The following CCNG2 variants were observed in gnomAD, a reference collection of about 807,000 sequenced individuals.
CCNG2 encodes the protein cyclin G2.
CCNG2 carries 20 observed loss-of-function variants against 36.5 expected under a neutral mutation model. The observed-to-expected ratio is 0.55, with a 90% CI of 0.39 to 0.80. The LOEUF (loss-of-function observed/expected upper bound fraction) is 0.80, where lower values mean the gene tolerates loss of function less well. Among genes scored for constraint, CCNG2 ranks in the 30% least tolerant of loss-of-function variants. The pLI is 0.00. For missense variants in CCNG2, 358 were observed against 390.8 expected (o/e 0.92, Z 0.71); for synonymous variants, 155 against 140.1 (o/e 1.11, Z -0.75).
At chr4:77,163,219 T>C (rs1230857275) in intron 6 of CCNG2, among the ~76,000 whole-genome samples, 12 of 152,178 alleles carry the variant, frequency 7.9e-5, no homozygotes. Flanking sequence ...TCTGGGGTTT[T>C]CAGCGTTGGC....
At chr4:77,162,457 A>G (rs1577906563) in intron 6 of CCNG2, among the ~76,000 whole-genome samples, 1 of 134,986 alleles carries the variant, frequency 7.4e-6, no homozygotes, top group Admixed American at 9.3e-5. Context: ...ATCTTGGCTC[A>G]CCGCAACCTC....
chr4:77,164,566 C>CAG, intron 7 of CCNG2, 87 bp downstream of exon 7: 1 of 972,050 alleles, frequency 1.0e-6, no homozygotes, highest in Admixed American at 2.5e-5. Context: ...TGTAAGACAT[C>CAG]AGAGAAAGCA....
At position 77,167,488 on chromosome 4, in the gene CCNG2, G is replaced by A. The variant is rs916417788; in HGVS notation, c.*1564G>A. 2.6e-5 allele frequency: 4 copies of A among 152,216 alleles called. No individual in the cohort carries two copies. Among genetic ancestry groups the A allele is most frequent in the Middle Eastern group, 3.2e-3 (1 of 316 alleles). 9.4% of individuals were successfully genotyped at this position (152,216 alleles called of 1,614,324 possible). A position where few individuals can be genotyped will look rare whatever the true frequency, so the allele number is the denominator to read the frequency against. ...TTCAGTGAGAGGCAACAGGTATTAA[G>A]TAGAACAGAATGCTCAGGTTGGCAG... On this transcript the variant is annotated 3_prime_UTR_variant, in exon 8 of 8. Transcript: ENST00000316355.
intron 3 of CCNG2, 52 bp from the exon 4 acceptor site, chr4:77,160,669 C>T: frequency 6.4e-7 from 1 of 1,569,274 alleles, no homozygotes. Flanking sequence ...TTCTAAGTAT[C>T]TGCTAAGTCA....
Position 77,166,130 on chromosome 4 carries a change from A to G in CCNG2, c.*206A>G. On this transcript the variant is annotated 3_prime_UTR_variant, in exon 8 of 8. Coordinates refer to ENST00000316355, the MANE Select transcript of CCNG2 (RefSeq NM_004354.3). ...GGGTAGTGCCTCTTAAACCATTAAC[A>G]GTACTTTAGACATTGGCACTTTATT... The G allele has an allele frequency of 7.8e-6, 3 of 382,858 alleles. 1 individual carries two copies. The East Asian group carries it at 1.3e-4, about 16-fold the overall frequency. The allele number at this position is 382,858 out of a possible 1,614,324, so 23.7% of individuals were successfully genotyped here. A position where few individuals can be genotyped will look rare whatever the true frequency, so the allele number is the denominator to read the frequency against.
chr4:77,163,234 C>T (rs1256255108), intron 6 of CCNG2, among the ~76,000 whole-genome samples: 3 of 152,040 alleles, frequency 2.0e-5, no homozygotes, highest in African/African-American at 4.8e-5. Context: ...GTTGGCCTTT[C>T]CCCCCAACAT....
intron 2 of CCNG2, among the ~76,000 whole-genome samples, chr4:77,159,106 T>G (rs969649528): frequency 3.9e-5 from 6 of 152,252 alleles, no homozygotes; most frequent in African/African-American, 1.4e-4. Flanking sequence ...TCTGAAATCT[T>G]GCAACAGTTC....
Position 77,167,598 on chromosome 4 carries a change from C to T in CCNG2, c.*1674C>T, listed in dbSNP as rs1050780070. ...TGGGGTGTTCGCTGTGATAGGGCCC[C>T]GCCAGCTTCTGGCTCTTGTGGACCT... On this transcript the variant is annotated 3_prime_UTR_variant, in exon 8 of 8. Transcript: ENST00000316355. 2.6e-5 allele frequency: 4 copies of T among 152,152 alleles called. No individual in the cohort carries two copies. Among genetic ancestry groups the T allele is most frequent in the African/African-American group, 7.2e-5 (3 of 41,424 alleles). 9.4% of individuals were successfully genotyped at this position (152,152 alleles called of 1,614,324 possible).
chr4:77,169,359 CCTAA>C lies in CCNG2; in HGVS notation c.*3439_*3442del, dbSNP rs1014858800. On this transcript the variant is annotated 3_prime_UTR_variant, in exon 8 of 8. Coordinates refer to ENST00000316355, the MANE Select transcript of CCNG2 (RefSeq NM_004354.3). Reference sequence around the variant, plus strand: ...GCATTTGTTACTGGAATTCAGTTTTCCTAACTATTTACTACCAGAAATGGTCAAT... The same window carrying C: ...GCATTTGTTACTGGAATTCAGTTTTCCTATTTACTACCAGAAATGGTCAAT... The C allele has an allele frequency of 2.6e-5, 4 of 152,230 alleles. No homozygotes were observed. Among genetic ancestry groups the C allele is most frequent in the African/African-American group, 9.6e-5 (4 of 41,490 alleles). The allele number at this position is 152,230 out of a possible 1,614,324, so 9.4% of individuals were successfully genotyped here.
In CCNG2 at chr4:77,169,578, A is replaced by G. The variant is rs531899864; in HGVS notation, c.*3654A>G. The G allele has an allele frequency of 6.6e-6, 1 of 152,328 alleles. No individual in the cohort carries two copies. The highest frequency in any genetic ancestry group is 6.5e-5 in the Admixed American group (1 of 15,292). 9.4% of individuals were successfully genotyped at this position (152,328 alleles called of 1,614,324 possible). A position where few individuals can be genotyped will look rare whatever the true frequency, so the allele number is the denominator to read the frequency against. On this transcript the variant is annotated 3_prime_UTR_variant, in exon 8 of 8. Transcript: ENST00000316355. ...AAGTGCAGCAGAAGAAATTTAGTAT[A>G]TGTCCAAGCCTAGGCTTTAAGAGAC...
chr4:77,163,714 G>A (rs533870745), intron 6 of CCNG2, among the ~76,000 whole-genome samples: 2 of 152,322 alleles, frequency 1.3e-5, no homozygotes, highest in South Asian at 4.1e-4. Flanking sequence ...AAATAAACTG[G>A]AGCACTGCCC....
chr4:77,158,057 G>A (rs1731316249), intron 1 of CCNG2, among the ~76,000 whole-genome samples: 1 of 152,014 alleles, frequency 6.6e-6, no homozygotes, highest in Non-Finnish European at 1.5e-5. Flanking sequence ...TGGGCGCCCC[G>A]GGCGGGCGGG....
At chr4:77,164,199 G>A (rs1408322817) in intron 6 of CCNG2, 75 bp from the exon 7 acceptor site, 4 of 1,021,696 alleles carry the variant, frequency 3.9e-6, no homozygotes, top group Non-Finnish European at 4.5e-6. Flanking sequence ...ATTTTTCATA[G>A]CTCACCTAGT....
In CCNG2 at chr4:77,158,702, C is replaced by A. The variant is rs770718337; in HGVS notation, c.138+32C>A. On this transcript the variant is annotated intron_variant, in intron 2 of 7. Transcript: ENST00000316355. Reference sequence around the variant, plus strand: ...TGGCAGAAAAGATAACTTGCTCAAGCAGCTGATGGGGCTTGGAGGAGGTAA... The same window carrying A: ...TGGCAGAAAAGATAACTTGCTCAAGAAGCTGATGGGGCTTGGAGGAGGTAA... 5.0e-6 allele frequency: 8 copies of A among 1,611,824 alleles called. No individual in the cohort carries two copies. In the East Asian group the frequency reaches 1.3e-4, roughly 27 times the overall value.
chr4:77,165,968 G>A lies in CCNG2; in HGVS notation c.*44G>A. On this transcript the variant is annotated 3_prime_UTR_variant, in exon 8 of 8. Coordinates refer to ENST00000316355, the MANE Select transcript of CCNG2 (RefSeq NM_004354.3). Reference sequence around the variant, plus strand: ...AGAATTTATATTTACAGGTTTCAAAGCAATAAATGGGGGAATAGGTAGTTT... The same window carrying A: ...AGAATTTATATTTACAGGTTTCAAAACAATAAATGGGGGAATAGGTAGTTT... The A allele has an allele frequency of 6.4e-7, 1 of 1,554,396 alleles. No homozygotes were observed. Among genetic ancestry groups the A allele is most frequent in the Non-Finnish European group, 8.7e-7 (1 of 1,151,876 alleles).
chr4:77,164,339 T>C lies in CCNG2; in HGVS notation c.771T>C (p.Ser257=). Residue 257 remains serine (S), a synonymous_variant, in exon 7 of 8, where the codon TCT becomes TCC. Coordinates refer to ENST00000316355, the MANE Select transcript of CCNG2 (RefSeq NM_004354.3). ...LVSKCLAEYS[S]PECCKPDLKK... is the part of the protein sequence containing the mutation. ...CTAAATGCCTAGCCGAGTATTCTTCTCCTGAATGTTGCAAACCAGATCTTA... is the reference window on the plus strand; with the variant it reads ...CTAAATGCCTAGCCGAGTATTCTTCCCCTGAATGTTGCAAACCAGATCTTA... The C allele has an allele frequency of 6.2e-7, 1 of 1,614,062 alleles. No individual in the cohort carries two copies. The highest frequency in any genetic ancestry group is 1.1e-5 in the South Asian group (1 of 91,078).
intron 6 of CCNG2, 132 bp from the exon 7 acceptor site, chr4:77,164,124 TGTCAATTAAATCAGAATA>T: frequency 3.3e-6 from 2 of 604,036 alleles, no homozygotes; most frequent in Non-Finnish European, 5.8e-6. Context: ...TTGCACTCAT[TGTCAATTAAATCAGAATA>T]CCAGGGGTGG....
intron 6 of CCNG2, among the ~76,000 whole-genome samples, chr4:77,162,740 T>C (rs1731516969): frequency 6.6e-6 from 1 of 152,104 alleles, no homozygotes; most frequent in Non-Finnish European, 1.5e-5. Context: ...ACACTATGAC[T>C]GGGAGCCTGT....
chr4:77,168,584 C>T lies in CCNG2; in HGVS notation c.*2660C>T, dbSNP rs1731687722. 1 of 152,118 alleles carries T rather than the reference C, an allele frequency of 6.6e-6. No homozygotes were observed. Among genetic ancestry groups the T allele is most frequent in the Admixed American group, 6.5e-5 (1 of 15,274 alleles). The allele number at this position is 152,118 out of a possible 1,614,324, so 9.4% of individuals were successfully genotyped here. A position where few individuals can be genotyped will look rare whatever the true frequency, so the allele number is the denominator to read the frequency against. ...TTAAAAAATGTGTATTGAGAAAGAA[C>T]TCTGTTAGCTATACAGAAGATGAAC... On this transcript the variant is annotated 3_prime_UTR_variant, in exon 8 of 8. Coordinates refer to ENST00000316355, the MANE Select transcript of CCNG2 (RefSeq NM_004354.3).
Sources: allele counts gnomAD v4.1 joint callset (sites outside exome capture counted in the v4.1 genomes callset), GRCh38; gene constraint gnomAD v4.1.1; transcripts MANE v1.5; gene names NCBI Gene and HGNC (gene_info 2026-07-23, HGNC 2026-07-21).